CCDC190: variants seen among roughly 807,000 people sequenced by gnomAD.
CCDC190 encodes coiled-coil domain containing 190, also known as coiled-coil domain-containing protein 190.
A neutral mutation model predicts 13.1 loss-of-function variants in CCDC190; 10 were observed. That is an observed-to-expected ratio of 0.77 (90% CI 0.47 to 1.30). The LOEUF is 1.30. CCDC190 is among the 50% of genes most tolerant of loss of function. CCDC190 has a pLI of 0.00. For synonymous variants in CCDC190, 136 were observed against 127.2 expected (o/e 1.07, Z -0.47); for missense variants, 375 against 354.3 (o/e 1.06, Z -0.47).
At chr1:162,860,961 A>G in intron 1 of CCDC190, 47 bp downstream of exon 1, 10 of 900,048 alleles carry the variant, frequency 1.1e-5, no homozygotes, top group Non-Finnish European at 1.3e-5. Flanking sequence ...TTTAGAGTCT[A>G]AAGTATAACT....
rs767962605 is a variant in CCDC190 at position 162,855,371 on chromosome 1, C to T, written c.312-12G>A. 6.3e-7 allele frequency: 1 copy of T among 1,578,320 alleles called. No individual in the cohort carries two copies. The highest frequency in any genetic ancestry group is 1.2e-5 in the South Asian group (1 of 86,904). ...GGGTTGCCAATGCTCTGAGAAAGGACATAAAAGAAAGATCTCTGAAAACCA... is the reference window on the plus strand; with the variant it reads ...GGGTTGCCAATGCTCTGAGAAAGGATATAAAAGAAAGATCTCTGAAAACCA... On this transcript the variant is annotated splice_polypyrimidine_tract_variant and intron_variant, in intron 3 of 3. Transcript: ENST00000367912.
intron 1 of CCDC190, 49 bp from the exon 2 acceptor site, chr1:162,859,707 A>G: frequency 1.4e-6 from 2 of 1,470,952 alleles, no homozygotes; most frequent in Non-Finnish European, 9.2e-7. Flanking sequence ...GAAGACTGGG[A>G]TACTGACCCC....
Position 162,854,857 on chromosome 1 carries a change from T to G in CCDC190, c.814A>C (p.Ile272Leu), listed in dbSNP as rs1650228959. Residue 272 changes from isoleucine (I) to leucine (L), a missense_variant, in exon 4 of 4, where the codon ATT becomes CTT. By Grantham distance (5) the Ile-to-Leu change is conservative (BLOSUM62 2). Transcript: ENST00000367912. ...TCCCCATGCCCAAATATCTCTCCAA[T>G]GCTAAGCAACCTCTCAGACTCAGGG... Reference protein sequence around the residue: ...VPPESERLLSIGEIFGHGESS... With the variant: ...VPPESERLLSLGEIFGHGESS... The G allele has an allele frequency of 6.2e-7, 1 of 1,613,918 alleles. No homozygotes were observed. The highest frequency in any genetic ancestry group is 1.1e-5 in the South Asian group (1 of 91,088).
intron 1 of CCDC190, among the ~76,000 whole-genome samples, chr1:162,867,608 G>C (rs1208196101): frequency 6.6e-6 from 1 of 152,108 alleles, no homozygotes; most frequent in African/African-American, 2.4e-5. Context: ...ATGAAAGCAT[G>C]TGCTCATAAA....
rs768033654 is a variant in CCDC190 at position 162,855,620 on chromosome 1, T to A, written c.311+12A>T. 2.5e-6 allele frequency: 4 copies of A among 1,612,912 alleles called. No individual in the cohort carries two copies. The East Asian group carries it at 8.9e-5, about 36-fold the overall frequency. The stretch of plus-strand genomic sequence containing the variant: ...AATGTCATACCCATGGGTTTAGTAA[T>A]CCATTTCTTACCTCATTTTCTTAGC... On this transcript the variant is annotated intron_variant, in intron 3 of 3. Coordinates refer to ENST00000367912, the MANE Select transcript of CCDC190 (RefSeq NM_001394065.1).
rs1007453791 is a variant in CCDC190, at chr1:162,853,390, A to T, written c.*1375T>A. Among the ~76,000 whole-genome samples, 3 of 152,226 alleles carry T rather than the reference A, an allele frequency of 2.0e-5. 1 individual carries two copies. The highest frequency in any genetic ancestry group is 4.4e-5 in the Non-Finnish European group (3 of 68,036). On this transcript the variant is annotated 3_prime_UTR_variant, in exon 4 of 4. Transcript: ENST00000367912. ...AAACTTTTGCAGCATTGTTTTGAGG[A>T]TCAGTTGGCATGCTGTGTGGAATGT...
upstream of CCDC190, among the ~76,000 whole-genome samples, chr1:162,861,973 G>C (rs1347928193): frequency 6.6e-6 from 1 of 152,024 alleles, no homozygotes; most frequent in Non-Finnish European, 1.5e-5. Context: ...TACGAGGGGT[G>C]GCAGGGAGGA....
rs1650221717 is a variant in CCDC190 at position 162,854,731 on chromosome 1, A to T, written c.*34T>A. 2.6e-6 allele frequency: 4 copies of T among 1,553,178 alleles called. No individual in the cohort carries two copies. Among genetic ancestry groups the T allele is most frequent in the Non-Finnish European group, 3.5e-6 (4 of 1,149,494 alleles). On this transcript the variant is annotated 3_prime_UTR_variant, in exon 4 of 4. Transcript: ENST00000367912. ...TGAGGAACACATTTCCTTAGCAATA[A>T]TGGCATATGTTATTGTCAGGCTATG...
At chr1:162,862,905 G>A (rs1211191248), upstream of CCDC190, among the ~76,000 whole-genome samples, 1 of 151,904 alleles carries the variant, frequency 6.6e-6, no homozygotes, top group Non-Finnish European at 1.5e-5. Flanking sequence ...CTGGAGTCCA[G>A]TGAGGAGTTT....
At chr1:162,860,790 C>T (rs572215696) in intron 1 of CCDC190, among the ~76,000 whole-genome samples, 1 of 152,200 alleles carries the variant, frequency 6.6e-6, no homozygotes, top group East Asian at 1.9e-4. Flanking sequence ...AACTCCTGAC[C>T]TTGTGATCTG....
In CCDC190 at chr1:162,854,880, G is replaced by C. The variant is rs192651726; in HGVS notation, c.791C>G (p.Pro264Arg). The C allele has an allele frequency of 1.4e-5, 23 of 1,613,970 alleles. No individual in the cohort carries two copies. In the African/African-American group the frequency reaches 1.5e-4, roughly 10 times the overall value. ...AATGCTAAGCAACCTCTCAGACTCA[G>C]GGGGGACCCTGTGCCGGAGATAATG... ...NAHYLRHRVP[P>R]ESERLLSIGE... The change falls in exon 4 of 4, where the codon CCT becomes CGT. Residue 264 changes from proline (P) to arginine (R), a missense_variant. Coordinates refer to ENST00000367912, the MANE Select transcript of CCDC190 (RefSeq NM_001394065.1).
At chr1:162,861,593 T>C (rs1056406519), upstream of CCDC190, among the ~76,000 whole-genome samples, 3 of 152,226 alleles carry the variant, frequency 2.0e-5, no homozygotes, top group African/African-American at 7.2e-5. Context: ...TATGTGTTAT[T>C]GCACACCGTA....
upstream of CCDC190, among the ~76,000 whole-genome samples, chr1:162,864,077 A>T (rs915524935): frequency 6.6e-6 from 1 of 152,152 alleles, no homozygotes; most frequent in African/African-American, 2.4e-5. Flanking sequence ...TCCAAGGTAT[A>T]TAAAATAAAA....
At position 162,855,220 on chromosome 1, in the gene CCDC190, T is replaced by C. The variant is rs1650257716; in HGVS notation, c.451A>G (p.Lys151Glu). The C allele has an allele frequency of 1.2e-6, 2 of 1,613,916 alleles. No individual in the cohort carries two copies. Among genetic ancestry groups the C allele is most frequent in the African/African-American group, 2.7e-5 (2 of 74,938 alleles). ...TTCTCTTGGGCTTGTGGTTGCTCTT[T>C]TATGAAGCAGGCAGTTCTGTTATTT... ...SQNNRTACFI[K>E]EQPQAQEKDS... Residue 151 changes from lysine (K) to glutamate (E), a missense_variant, in exon 4 of 4, where the codon AAA (lysine) becomes GAA (glutamate). Physicochemically the swap from Lys to Glu is moderately conservative, Grantham distance 56. Transcript: ENST00000367912.
chr1:162,859,879 G>C (rs1172708967), intron 1 of CCDC190, among the ~76,000 whole-genome samples: 2 of 150,342 alleles, frequency 1.3e-5, no homozygotes, highest in African/African-American at 4.9e-5. Flanking sequence ...ATAAAATAGT[G>C]ATACAATACA....
At chr1:162,859,865 G>A (rs1650439484) in intron 1 of CCDC190, among the ~76,000 whole-genome samples, 2 of 150,982 alleles carry the variant, frequency 1.3e-5, no homozygotes. Flanking sequence ...CAGCCTCCCT[G>A]TCAATAAAAT....
At chr1:162,855,817 A>G in intron 2 of CCDC190, 62 bp from the exon 3 acceptor site, 1 of 1,477,152 alleles carries the variant, frequency 6.8e-7, no homozygotes, top group Non-Finnish European at 9.2e-7. Context: ...TTTTATGCTC[A>G]AGTCCTAACC....
chr1:162,865,267 G>A (rs1159065052), upstream of CCDC190, among the ~76,000 whole-genome samples: 5 of 152,090 alleles, frequency 3.3e-5, no homozygotes, highest in African/African-American at 1.2e-4. Context: ...TTACATGGAG[G>A]AATGAACAAA....
chr1:162,859,065 C>T (rs1311682656), intron 2 of CCDC190, among the ~76,000 whole-genome samples: 11 of 151,720 alleles, frequency 7.3e-5, no homozygotes, highest in African/African-American at 2.7e-4. Flanking sequence ...AGTAACTGCT[C>T]AATAAATTGT....
Sources: allele counts gnomAD v4.1 joint callset (sites outside exome capture counted in the v4.1 genomes callset), GRCh38; gene constraint gnomAD v4.1.1; transcripts MANE v1.5; gene names NCBI Gene and HGNC (gene_info 2026-07-23, HGNC 2026-07-21).